The following PRIM2 variants were observed in gnomAD, a reference collection of about 807,000 sequenced individuals.
The protein encoded by PRIM2 is DNA primase subunit 2, also known as DNA primase large subunit.
PRIM2 carries 39 observed loss-of-function variants against 67.3 expected under a neutral mutation model. The ratio of observed to expected loss-of-function variants is 0.58; its 90% CI spans 0.45 to 0.76. PRIM2 has a LOEUF of 0.76. Among genes scored for constraint, PRIM2 ranks in the 30% least tolerant of loss-of-function variants. PRIM2 has a pLI of 0.00. For missense variants in PRIM2, 398 were observed against 598.7 expected, an observed-to-expected ratio of 0.66 and a Z score of 3.50; for synonymous variants, 143 against 198.7, an observed-to-expected ratio of 0.72 and a Z score of 2.36.
At chr6:57,460,755 G>C (rs1772978400) in intron 7 of PRIM2, among the ~76,000 whole-genome samples, 1 of 151,968 alleles carries the variant, frequency 6.6e-6, no homozygotes, top group Non-Finnish European at 1.5e-5. Flanking sequence ...TGTTTTCCTT[G>C]CTTTTGGATT....
chr6:57,398,186 T>G (rs1278248883), intron 7 of PRIM2, among the ~76,000 whole-genome samples: 1 of 151,978 alleles, frequency 6.6e-6, no homozygotes, highest in African/African-American at 2.4e-5. Context: ...TCTCGATCTC[T>G]TGACCTCATG....
chr6:57,349,840 A>C (rs1768804551), intron 5 of PRIM2, among the ~76,000 whole-genome samples: 1 of 152,224 alleles, frequency 6.6e-6, no homozygotes, highest in South Asian at 2.1e-4. Flanking sequence ...CTTTCACTGC[A>C]GTCACATTGT....
the PRIM2 span, among the ~76,000 whole-genome samples, chr6:57,296,077 C>G: frequency 6.6e-6 from 1 of 152,028 alleles, no homozygotes; most frequent in African/African-American, 2.4e-5. Flanking sequence ...CTAACTATAA[C>G]AAATGAACCT....
intron 7 of PRIM2, among the ~76,000 whole-genome samples, chr6:57,390,682 A>C (rs7770262): frequency 6.6e-6 from 1 of 152,144 alleles, no homozygotes; most frequent in Non-Finnish European, 1.5e-5. Context: ...TAGTAGCCTC[A>C]GGCTCCATCC....
At chr6:57,457,787 C>T (rs1772855072) in intron 7 of PRIM2, among the ~76,000 whole-genome samples, 2 of 152,178 alleles carry the variant, frequency 1.3e-5, no homozygotes, top group Non-Finnish European at 2.9e-5. Flanking sequence ...GTGCTGCACC[C>T]ACTGTCCTGC....
At chr6:57,432,630 G>A (rs1771874687) in intron 7 of PRIM2, among the ~76,000 whole-genome samples, 1 of 152,134 alleles carries the variant, frequency 6.6e-6, no homozygotes, top group South Asian at 2.1e-4. Context: ...GTTAAAAATA[G>A]TTTTGAGAAG....
rs560386454 is a variant in PRIM2 at position 57,342,454 on chromosome 6, G to A, written c.459+16409G>A. Among the ~76,000 whole-genome samples, 14 of 72,692 alleles carry A rather than the reference G, an allele frequency of 1.9e-4. No individual in the cohort carries two copies. The South Asian group carries it at 3.7e-3, about 19-fold the overall frequency. The allele number at this position is 72,692 out of a possible 152,430, so 47.7% of individuals were successfully genotyped here. A position where few individuals can be genotyped will look rare whatever the true frequency, so the allele number is the denominator to read the frequency against. On this transcript the variant is annotated intron_variant, in intron 5 of 13. Transcript: ENST00000615550. Reference sequence around the variant, plus strand: ...TTCTTCAGTTGGCCAGTTAGGGAAAGGTCAGCTTTGGCAGCTGTCAGCCTT... The same window carrying A: ...TTCTTCAGTTGGCCAGTTAGGGAAAAGTCAGCTTTGGCAGCTGTCAGCCTT...
intron 7 of PRIM2, among the ~76,000 whole-genome samples, chr6:57,453,944 A>G (rs1223868607): frequency 1.3e-5 from 2 of 152,122 alleles, no homozygotes; most frequent in Non-Finnish European, 2.9e-5. Context: ...AGCTCTTATT[A>G]TTTTGAGATA....
chr6:57,265,073 T>C, the PRIM2 span, among the ~76,000 whole-genome samples: 6 of 152,306 alleles, frequency 3.9e-5, no homozygotes, highest in South Asian at 1.0e-3. Flanking sequence ...TGAAAGCAAT[T>C]TGTAAGCTGT....
Position 57,646,380 on chromosome 6 carries a change from AT to A in PRIM2, c.*231del, listed in dbSNP as rs1244720299. 4.9e-4 allele frequency: 233 copies of A among 473,882 alleles called. No homozygotes were observed. Among genetic ancestry groups the A allele is most frequent in the South Asian group, 7.5e-4 (26 of 34,754 alleles). The allele number at this position is 473,882 out of a possible 1,614,324, so 29.4% of individuals were successfully genotyped here. A position where few individuals can be genotyped will look rare whatever the true frequency, so the allele number is the denominator to read the frequency against. On this transcript the variant is annotated 3_prime_UTR_variant, in exon 14 of 14. Coordinates refer to ENST00000615550, the MANE Select transcript of PRIM2 (RefSeq NM_000947.5). ...CCTCATATCCAGATAATTTTTTTCAATTTTTTTTTGTAGAGGTGGGGGGTCT... is the reference window on the plus strand; with the variant it reads ...CCTCATATCCAGATAATTTTTTTCAATTTTTTTTGTAGAGGTGGGGGGTCT...
At chr6:57,436,290 A>G (rs1772011762) in intron 7 of PRIM2, among the ~76,000 whole-genome samples, 2 of 152,212 alleles carry the variant, frequency 1.3e-5, no homozygotes, top group Admixed American at 1.3e-4. Flanking sequence ...TAAAGGTATG[A>G]ATAAACCACA....
chr6:57,324,533 G>A lies in PRIM2; in HGVS notation c.338+253G>A, dbSNP rs565097454. Among the ~76,000 whole-genome samples the A allele has an allele frequency of 3.9e-5, 6 of 152,126 alleles. No individual in the cohort carries two copies. In the South Asian group the frequency reaches 1.0e-3, roughly 26 times the overall value. On this transcript the variant is annotated intron_variant, in intron 4 of 13. Transcript: ENST00000615550. ...GTTTGTGAGATAGACTCTTCATTTGGGATTTTAAATTGGAAAGGATTTTAT... is the reference window on the plus strand; with the variant it reads ...GTTTGTGAGATAGACTCTTCATTTGAGATTTTAAATTGGAAAGGATTTTAT...
At chr6:57,583,012 C>T (rs1242119694) in intron 10 of PRIM2, among the ~76,000 whole-genome samples, 1 of 141,346 alleles carries the variant, frequency 7.1e-6, no homozygotes, top group Non-Finnish European at 1.5e-5. Flanking sequence ...TGTTCAATTC[C>T]CACCTATGAG....
chr6:57,413,957 A>G (rs1406384812), intron 7 of PRIM2, among the ~76,000 whole-genome samples: 2 of 152,160 alleles, frequency 1.3e-5, no homozygotes, highest in Admixed American at 6.5e-5. Context: ...TAAGTGTTAG[A>G]CAAGAAGGCA....
the PRIM2 span, among the ~76,000 whole-genome samples, chr6:57,250,513 G>A: frequency 3.9e-5 from 6 of 152,122 alleles, no homozygotes; most frequent in African/African-American, 1.4e-4. Context: ...GAAAAATCGG[G>A]GGGTATGAAA....
the PRIM2 span, among the ~76,000 whole-genome samples, chr6:57,259,250 T>C: frequency 6.6e-6 from 1 of 152,092 alleles, no homozygotes; most frequent in African/African-American, 2.4e-5. Flanking sequence ...ACAAAACCAG[T>C]AGTATCTTTG....
At chr6:57,533,050 T>G (rs1443989079) in intron 9 of PRIM2, among the ~76,000 whole-genome samples, 2 of 152,090 alleles carry the variant, frequency 1.3e-5, no homozygotes, top group Non-Finnish European at 2.9e-5. Flanking sequence ...ATGGCCTCCT[T>G]TAATCTTAAT....
chr6:57,337,978 AAAAG>A (rs1226215541), intron 5 of PRIM2, among the ~76,000 whole-genome samples: 2 of 151,728 alleles, frequency 1.3e-5, no homozygotes, highest in African/African-American at 4.9e-5. Context: ...AATAAAGAAA[AAAAG>A]AGAGAGGAAT....
the PRIM2 span, among the ~76,000 whole-genome samples, chr6:57,265,504 C>T: frequency 6.6e-6 from 1 of 152,194 alleles, no homozygotes; most frequent in Non-Finnish European, 1.5e-5. Flanking sequence ...TTTTTCCATA[C>T]ACTTTGGTTT....
Sources: gnomAD v4.1 joint callset for allele counts (sites outside exome capture counted in the v4.1 genomes callset) on GRCh38, gnomAD v4.1.1 for gene constraint, MANE v1.5 for transcripts, NCBI Gene and HGNC (gene_info 2026-07-23, HGNC 2026-07-21) for gene names.